Variants in TP53BP2 observed in about 807,000 individuals in gnomAD.
The protein encoded by TP53BP2 is tumor protein p53 binding protein 2.
Under a neutral mutation model 126.2 loss-of-function variants are expected in TP53BP2, and 62 were observed. The observed-to-expected ratio is 0.49, with a 90% CI of 0.40 to 0.61. The LOEUF (loss-of-function observed/expected upper bound fraction) is 0.61, where lower values mean the gene tolerates loss of function less well. Among genes scored for constraint, TP53BP2 ranks in the 20% least tolerant of loss-of-function variants. The pLI is 0.00. For missense variants in TP53BP2, 1,215 were observed against 1,402.8 expected (o/e 0.87, Z 2.14); for synonymous variants, 485 against 502.9 (o/e 0.96, Z 0.48).
chr1:223,834,192 T>C lies in TP53BP2; in HGVS notation c.27+11462A>G, dbSNP rs111908666. 1.5e-3 allele frequency among the ~76,000 whole-genome samples: 227 copies of C among 152,310 alleles called. 2 individuals are homozygous for C. The highest frequency in any genetic ancestry group is 5.2e-3 in the African/African-American group (218 of 41,572). On this transcript the variant is annotated intron_variant, in intron 1 of 17. Coordinates refer to ENST00000343537, the MANE Select transcript of TP53BP2 (RefSeq NM_001031685.3). ...CAAGAATAAGGAGTACGGACTTTAT[T>C]GCAAGGGAAAAGTCACTAGAGTAGT...
intron 3 of TP53BP2, among the ~76,000 whole-genome samples, chr1:223,812,906 C>T (rs1177884244): frequency 2.0e-5 from 3 of 151,990 alleles, no homozygotes; most frequent in Non-Finnish European, 2.9e-5. Context: ...TCATGTTGGC[C>T]AGGCTGGTCT....
intron 11 of TP53BP2, among the ~76,000 whole-genome samples, chr1:223,799,534 T>C (rs914621532): frequency 1.3e-5 from 2 of 152,202 alleles, no homozygotes; most frequent in Non-Finnish European, 2.9e-5. Flanking sequence ...CACTCACACA[T>C]AACCTGGTTA....
At chr1:223,790,117 C>T (rs1662101139) in intron 15 of TP53BP2, among the ~76,000 whole-genome samples, 1 of 151,802 alleles carries the variant, frequency 6.6e-6, no homozygotes, top group Non-Finnish European at 1.5e-5. Flanking sequence ...ACTAAAAATA[C>T]AAAAATTAGC....
chr1:223,798,619 A>C lies in TP53BP2; in HGVS notation c.1544T>G (p.Ile515Ser). Reference sequence around the variant, plus strand: ...AGTTTGTCCAAAATAAGGCAAATTAATCTGTTTTGGTTTTGTAGGAACAGG... The same window carrying C: ...AGTTTGTCCAAAATAAGGCAAATTACTCTGTTTTGGTTTTGTAGGAACAGG... Reference protein sequence around the residue: ...PPPVPTKPKQINLPYFGQTNQ... With the variant: ...PPPVPTKPKQSNLPYFGQTNQ... Residue 515 changes from isoleucine to serine, a missense_variant, in exon 12 of 18, where the codon ATT (isoleucine) becomes AGT (serine). This residue lies in a region of TP53BP2 where 814 missense variants were observed against 853.0 expected (regional missense o/e 0.95). Coordinates refer to ENST00000343537, the MANE Select transcript of TP53BP2 (RefSeq NM_001031685.3). 6.2e-7 allele frequency: 1 copy of C among 1,614,126 alleles called. No individual in the cohort carries two copies.
At chr1:223,811,994 CTAAT>C (rs1315666017) in intron 3 of TP53BP2, among the ~76,000 whole-genome samples, 1 of 146,222 alleles carries the variant, frequency 6.8e-6, no homozygotes, top group Non-Finnish European at 1.5e-5. Context: ...TAAAATTCAA[CTAAT>C]TAGATGAGTG....
chr1:223,794,646 G>GT (rs1662258631), intron 13 of TP53BP2, among the ~76,000 whole-genome samples: 1 of 152,206 alleles, frequency 6.6e-6, no homozygotes, highest in South Asian at 2.1e-4. Context: ...ACAAGTGGCT[G>GT]TAACGTGGAT....
At chr1:223,786,284 C>T (rs943303852) in intron 16 of TP53BP2, among the ~76,000 whole-genome samples, 1 of 152,050 alleles carries the variant, frequency 6.6e-6, no homozygotes, top group Non-Finnish European at 1.5e-5. Context: ...TCACTACAGA[C>T]GTGAGAAGGG....
In TP53BP2 at chr1:223,800,039, C is replaced by T. The variant is rs777213333; in HGVS notation, c.1345G>A (p.Gly449Arg). 6.2e-7 allele frequency: 1 copy of T among 1,601,458 alleles called. No homozygotes were observed. ...TGNALDQVDD[G>R]EVPLREKEKK... is the part of the protein sequence containing the mutation. ...TCTTTCTCCCTCAGCGGAACCTCTC[C>T]ATCATCAACTAAAGACAAAAAAATC... Residue 449 changes from glycine (G) to arginine (R), a missense_variant, in exon 11 of 18, where the codon GGA becomes AGA. Coordinates refer to ENST00000343537, the MANE Select transcript of TP53BP2 (RefSeq NM_001031685.3).
At chr1:223,800,156 C>T (rs2102850278) in intron 10 of TP53BP2, 109 bp from the exon 11 acceptor site, 1 of 1,167,096 alleles carries the variant, frequency 8.6e-7, no homozygotes. Context: ...GTCCACAAAG[C>T]ACGTTCCTAT....
intron 15 of TP53BP2, among the ~76,000 whole-genome samples, chr1:223,791,609 T>A (rs1036603110): frequency 2.6e-5 from 4 of 152,200 alleles, no homozygotes; most frequent in African/African-American, 9.7e-5. Flanking sequence ...TATGCATACA[T>A]GAGAATTTTA....
At chr1:223,783,992 G>A (rs930867594) in intron 17 of TP53BP2, 123 bp downstream of exon 17, 12 of 834,922 alleles carry the variant, frequency 1.4e-5, no homozygotes, top group African/African-American at 1.4e-4. Context: ...CTATCAAAAT[G>A]TTTAAATTCC....
At chr1:223,781,598 T>C (rs1012779412) in intron 17 of TP53BP2, among the ~76,000 whole-genome samples, 3 of 152,088 alleles carry the variant, frequency 2.0e-5, no homozygotes, top group Non-Finnish European at 4.4e-5. Context: ...TCAAAGAAAG[T>C]AGAAGCATAG....
At chr1:223,829,461 A>G (rs910641381) in intron 1 of TP53BP2, among the ~76,000 whole-genome samples, 1 of 152,200 alleles carries the variant, frequency 6.6e-6, no homozygotes, top group African/African-American at 2.4e-5. Context: ...ATAAGGAAAT[A>G]ATGTTTTTAA....
In TP53BP2 at chr1:223,780,792, T is replaced by C. The variant is rs1661743852; in HGVS notation, c.*61A>G. ...CTTGTGAAATTTTTGCCAAAAATAA[T>C]CGTATTACTTCTTCTTAACAGAGAT... On this transcript the variant is annotated 3_prime_UTR_variant, in exon 18 of 18. Coordinates refer to ENST00000343537, the MANE Select transcript of TP53BP2 (RefSeq NM_001031685.3). 6.4e-7 allele frequency: 1 copy of C among 1,556,848 alleles called. No homozygotes were observed. The highest frequency in any genetic ancestry group is 8.7e-7 in the Non-Finnish European group (1 of 1,145,072).
intron 1 of TP53BP2, among the ~76,000 whole-genome samples, chr1:223,845,008 G>C (rs978818029): frequency 6.6e-6 from 1 of 152,170 alleles, no homozygotes; most frequent in Non-Finnish European, 1.5e-5. Flanking sequence ...CTGTGGCCTG[G>C]TGGCCGTGTC....
Position 223,814,347 on chromosome 1 carries a change from G to A in TP53BP2, c.182C>T (p.Pro61Leu), listed in dbSNP as rs778245674. 2.5e-6 allele frequency: 4 copies of A among 1,611,210 alleles called. No individual in the cohort carries two copies. The highest frequency in any genetic ancestry group is 3.4e-6 in the Non-Finnish European group (4 of 1,177,694). Residue 61 changes from proline (P) to leucine (L), a missense_variant, in exon 3 of 18, where the codon CCA becomes CTA. Coordinates refer to ENST00000343537, the MANE Select transcript of TP53BP2 (RefSeq NM_001031685.3). ...LAEVWCGSERPVADNERMFDV... is the reference protein window; with the variant it reads ...LAEVWCGSERLVADNERMFDV... ...AAACATTCGCTCATTATCCGCAACT[G>A]GACGTTCTAAAGCAAATGAGTAGAA... is the stretch of plus-strand genomic sequence containing the variant.
chr1:223,800,810 C>G lies in TP53BP2; in HGVS notation c.1226G>C (p.Gly409Ala). ...MRSGAASQTK[G>A]SKIHPVGPDW... ...AGGGCCAACTGGATGGATTTTAGAG[C>G]CTAAAATACAGAAAAGCAGCTACAA... The change falls in exon 10 of 18, where the codon GGC becomes GCC. Residue 409 changes from glycine to alanine, a missense_variant and splice_region_variant. This residue lies in a region of TP53BP2 where 814 missense variants were observed against 853.0 expected (regional missense o/e 0.95). Coordinates refer to ENST00000343537, the MANE Select transcript of TP53BP2 (RefSeq NM_001031685.3). The G allele has an allele frequency of 6.3e-7, 1 of 1,591,080 alleles. No homozygotes were observed. The highest frequency in any genetic ancestry group is 1.1e-5 in the South Asian group (1 of 87,198).
rs773766877 is a variant in TP53BP2, at chr1:223,802,885, T to G, written c.842A>C (p.Lys281Thr). The part of the protein sequence containing the change: ...RLYKELQLRN[K>T]LNQEQNAKLQ... ...CTTGGCATTCTGCTCTTGATTCAAT[T>G]TGTTTCTTAGCTGAATAAAAGAGAG... is the stretch of plus-strand genomic sequence containing the variant. The change falls in exon 8 of 18, where the codon AAA (lysine) becomes ACA (threonine). Residue 281 changes from lysine to threonine, a missense_variant. Lys to Thr is a moderately conservative substitution (Grantham distance 78). Transcript: ENST00000343537. The G allele has an allele frequency of 6.2e-7, 1 of 1,613,992 alleles. No homozygotes were observed. Among genetic ancestry groups the G allele is most frequent in the African/African-American group, 1.3e-5 (1 of 74,930 alleles).
At chr1:223,823,901 G>T (rs1203728653) in intron 1 of TP53BP2, among the ~76,000 whole-genome samples, 4 of 152,160 alleles carry the variant, frequency 2.6e-5, no homozygotes, top group African/African-American at 9.7e-5. Flanking sequence ...TTAAGTTACA[G>T]AAATACTGGA....
Sources: allele counts gnomAD v4.1 joint callset (sites outside exome capture counted in the v4.1 genomes callset), GRCh38; gene constraint gnomAD v4.1.1; regional missense constraint gnomAD v4.1.1; transcripts MANE v1.5; gene names NCBI Gene and HGNC (gene_info 2026-07-23, HGNC 2026-07-21).